The following SARDH variants were observed in gnomAD, a reference collection of about 807,000 sequenced individuals.
SARDH encodes the protein sarcosine dehydrogenase, mitochondrial.
SARDH carries 95 observed loss-of-function variants against 109.1 expected under a neutral mutation model. The observed-to-expected ratio is 0.87, with a 90% CI of 0.74 to 1.03. The LOEUF is 1.03. SARDH is among the 50% of genes least tolerant of loss of function. The pLI is 0.00. For missense variants in SARDH, 1,267 were observed against 1,287.8 expected, an observed-to-expected ratio of 0.98 and a Z score of 0.25; for synonymous variants, 572 against 534.8, an observed-to-expected ratio of 1.07 and a Z score of -0.96.
intron 17 of SARDH, among the ~76,000 whole-genome samples, chr9:133,674,175 G>C (rs1830441990): frequency 6.6e-6 from 1 of 152,234 alleles, no homozygotes; most frequent in African/African-American, 2.4e-5. Context: ...CTTCCAAGTG[G>C]GGACCCACAA....
chr9:133,702,186 C>T (rs1831512463), intron 13 of SARDH, among the ~76,000 whole-genome samples: 1 of 152,360 alleles, frequency 6.6e-6, no homozygotes, highest in Non-Finnish European at 1.5e-5. Flanking sequence ...CTTTACAACA[C>T]GACTGGGCAG....
In SARDH at chr9:133,666,604, C is replaced by A; in HGVS notation, c.2631+131G>T. ...TTCCCTCCTCCCTCCTTTCTCTTCC[C>A]TCCTCCTCTTCTGGACCACACCCGT... On this transcript the variant is annotated intron_variant, in intron 20 of 20. Coordinates refer to ENST00000439388, the MANE Select transcript of SARDH (RefSeq NM_001134707.2). The surrounding 1 kb of genome is among the most constrained non-coding windows in gnomAD (Gnocchi z 5.2). 8.0e-7 allele frequency: 1 copy of A among 1,244,984 alleles called. No individual in the cohort carries two copies. The highest frequency in any genetic ancestry group is 2.6e-5 in the East Asian group (1 of 38,672). The allele number at this position is 1,244,984 out of a possible 1,614,324, so 77.1% of individuals were successfully genotyped here. A position where few individuals can be genotyped will look rare whatever the true frequency, so the allele number is the denominator to read the frequency against.
intron 14 of SARDH, among the ~76,000 whole-genome samples, chr9:133,695,061 G>T (rs949301586): frequency 1.3e-5 from 2 of 152,196 alleles, no homozygotes; most frequent in Admixed American, 1.3e-4. Flanking sequence ...TCCTCACCAG[G>T]ACTGGGAGTG....
At chr9:133,729,514 T>G (rs1832600606) in intron 6 of SARDH, among the ~76,000 whole-genome samples, 1 of 152,150 alleles carries the variant, frequency 6.6e-6, no homozygotes, top group Non-Finnish European at 1.5e-5. Flanking sequence ...GTTCTGGGCA[T>G]CAAAGAGAGG....
At position 133,663,947 on chromosome 9, in the gene SARDH, T is replaced by G. The variant is rs1398820284; in HGVS notation, c.2699A>C (p.Gln900Pro). Residue 900 changes from glutamine to proline, a missense_variant, in exon 21 of 21, where the codon CAG becomes CCG. Coordinates refer to ENST00000439388, the MANE Select transcript of SARDH (RefSeq NM_001134707.2). ...GTCGAAGGGCGACTTCAGGTGAGCC[T>G]GGGCACCATAGGTCACCCCCATTCT... Reference protein sequence around the residue: ...LERMGVTYGAQAHLKSPFDPN... With the variant: ...LERMGVTYGAPAHLKSPFDPN... 1.2e-6 allele frequency: 2 copies of G among 1,614,172 alleles called. No homozygotes were observed. The highest frequency in any genetic ancestry group is 8.5e-7 in the Non-Finnish European group (1 of 1,180,010).
intron 2 of SARDH, among the ~76,000 whole-genome samples, chr9:133,733,602 G>A (rs1300133303): frequency 2.0e-5 from 3 of 152,162 alleles, no homozygotes; most frequent in Non-Finnish European, 4.4e-5. Flanking sequence ...TCTGGCCCCA[G>A]CTTCACTCTC....
At chr9:133,678,098 C>T (rs760398445) in intron 17 of SARDH, among the ~76,000 whole-genome samples, 3 of 152,236 alleles carry the variant, frequency 2.0e-5, no homozygotes, top group African/African-American at 7.2e-5. Flanking sequence ...GAGGACCCCC[C>T]ACCTTGCCTG....
intron 17 of SARDH, among the ~76,000 whole-genome samples, chr9:133,681,072 T>C (rs1462155924): frequency 3.9e-5 from 6 of 152,230 alleles, no homozygotes; most frequent in African/African-American, 1.4e-4. Context: ...CCTGGGCCAC[T>C]GGCTGTCGGC....
rs757779147 is a variant in SARDH at position 133,712,971 on chromosome 9, C to T, written c.1237+67G>A. On this transcript the variant is annotated intron_variant, in intron 9 of 20. Transcript: ENST00000439388. The surrounding 1 kb of genome is among the most constrained non-coding windows in gnomAD (Gnocchi z 4.1). ...GGCCACGGTGCTCCTGCGCCCGCCT[C>T]CCCCAGAGCTCTGGGAATGACAGGA... The T allele has an allele frequency of 8.8e-6, 13 of 1,476,780 alleles. No homozygotes were observed. The East Asian group carries it at 9.5e-5, about 11-fold the overall frequency. The allele number at this position is 1,476,780 out of a possible 1,614,324, so 91.5% of individuals were successfully genotyped here.
intron 15 of SARDH, among the ~76,000 whole-genome samples, chr9:133,691,419 G>T (rs1391725412): frequency 6.6e-6 from 1 of 152,198 alleles, no homozygotes; most frequent in African/African-American, 2.4e-5. Flanking sequence ...AGGTCAGTCA[G>T]CCCAGGTCCA....
chr9:133,694,931 T>C (rs1831229673), intron 14 of SARDH, among the ~76,000 whole-genome samples: 1 of 151,984 alleles, frequency 6.6e-6, no homozygotes, highest in Admixed American at 6.6e-5. Flanking sequence ...AGTGGGTGGC[T>C]GGATTAATGG....
intron 16 of SARDH, among the ~76,000 whole-genome samples, chr9:133,687,881 C>T (rs938773539): frequency 1.3e-5 from 2 of 152,194 alleles, no homozygotes; most frequent in African/African-American, 4.8e-5. Flanking sequence ...AGATAGAGGA[C>T]ATTTTGGAGG....
rs961552695 is a variant in SARDH at position 133,692,663 on chromosome 9, T to C, written c.1921+1595A>G. ...GGCCCTTCCTGCCCCCGTCTGGACA[T>C]ACAGCCCACTGTGGGGTCCCTGAAG... On this transcript the variant is annotated intron_variant, in intron 15 of 20. Coordinates refer to ENST00000439388, the MANE Select transcript of SARDH (RefSeq NM_001134707.2). The surrounding 1 kb of genome is among the most constrained non-coding windows in gnomAD (Gnocchi z 5.0). 2.6e-5 allele frequency among the ~76,000 whole-genome samples: 4 copies of C among 152,148 alleles called. No individual in the cohort carries two copies. The highest frequency in any genetic ancestry group is 9.7e-5 in the African/African-American group (4 of 41,426).
At position 133,718,976 on chromosome 9, in the gene SARDH, C is replaced by T. The variant is rs768245942; in HGVS notation, c.982G>A (p.Val328Met). 3.1e-6 allele frequency: 5 copies of T among 1,614,194 alleles called. No individual in the cohort carries two copies. The highest frequency in any genetic ancestry group is 4.2e-6 in the Non-Finnish European group (5 of 1,180,034). ...YLRLQGDALSVGGYEANPIFW... is the reference protein window; with the variant it reads ...YLRLQGDALSMGGYEANPIFW... ...ATGGGGTTGGCCTCATAGCCACCCA[C>T]AGACAAGGCATCCCCTTGGAGGCGG... The change falls in exon 7 of 21, where the codon GTG becomes ATG. Residue 328 changes from valine (V) to methionine (M), a missense_variant. Val to Met is a conservative substitution (Grantham distance 21). Transcript: ENST00000439388. This position sits in a 1 kb window ranked among gnomAD's most constrained non-coding sequence, Gnocchi z 4.2.
Position 133,666,586 on chromosome 9 carries a change from C to T in SARDH, c.2631+149G>A. ...CCTTCCTTCCTCCCCCTCTTCCCTCCTCCCTCCTTTCTCTTCCCTCCTCCT... is the reference window on the plus strand; with the variant it reads ...CCTTCCTTCCTCCCCCTCTTCCCTCTTCCCTCCTTTCTCTTCCCTCCTCCT... On this transcript the variant is annotated intron_variant, in intron 20 of 20. Transcript: ENST00000439388. The surrounding 1 kb of genome is among the most constrained non-coding windows in gnomAD (Gnocchi z 5.2). 3.8e-6 allele frequency: 4 copies of T among 1,055,576 alleles called. No homozygotes were observed. The highest frequency in any genetic ancestry group is 4.0e-6 in the Non-Finnish European group (3 of 744,986). 65.4% of individuals were successfully genotyped at this position (1,055,576 alleles called of 1,614,324 possible).
At position 133,666,197 on chromosome 9, in the gene SARDH, T is replaced by C. The variant is rs1360175952; in HGVS notation, c.2631+538A>G. Among the ~76,000 whole-genome samples the C allele has an allele frequency of 6.6e-6, 1 of 150,654 alleles. No individual in the cohort carries two copies. Among genetic ancestry groups the C allele is most frequent in the Non-Finnish European group, 1.5e-5 (1 of 67,696 alleles). The stretch of plus-strand genomic sequence containing the variant: ...TGCCTGGGGTCAGGGGTGTCGGGGG[T>C]GAGGAAAGAGAGGATAGGAACATGG... On this transcript the variant is annotated intron_variant, in intron 20 of 20. Coordinates refer to ENST00000439388, the MANE Select transcript of SARDH (RefSeq NM_001134707.2). The surrounding 1 kb of genome is among the most constrained non-coding windows in gnomAD (Gnocchi z 5.2).
intron 6 of SARDH, 34 bp from the exon 7 acceptor site, chr9:133,719,076 C>T: frequency 1.3e-6 from 2 of 1,582,674 alleles, no homozygotes; most frequent in Non-Finnish European, 1.7e-6. Context: ...TGGCATCATC[C>T]AGAACTGGGT....
In SARDH at chr9:133,718,382, T is replaced by TCCTGAAAGAGGCCC; in HGVS notation, c.1020+555_1020+556insGGGCCTCTTTCAGG. 1.2e-5 allele frequency: 4 copies of TCCTGAAAGAGGCCC among 341,790 alleles called. No individual in the cohort carries two copies. In the East Asian group the frequency reaches 1.7e-4, roughly 15 times the overall value. 21.2% of individuals were successfully genotyped at this position (341,790 alleles called of 1,614,324 possible). The stretch of plus-strand genomic sequence containing the variant: ...CCACCGTGCCCAGCCATTTGTTTGT[T>TCCTGAAAGAGGCCC]TATTGTATGTCTCTCCACCAAAATA... On this transcript the variant is annotated intron_variant, in intron 7 of 20. Coordinates refer to ENST00000439388, the MANE Select transcript of SARDH (RefSeq NM_001134707.2). The surrounding 1 kb of genome is among the most constrained non-coding windows in gnomAD (Gnocchi z 4.2).
At chr9:133,669,843 G>C (rs1830273645) in intron 19 of SARDH, among the ~76,000 whole-genome samples, 2 of 152,248 alleles carry the variant, frequency 1.3e-5, no homozygotes, top group Non-Finnish European at 2.9e-5. Context: ...GTGTTGCAGT[G>C]ACTGGGAGGT....
Sources: allele counts gnomAD v4.1 joint callset (sites outside exome capture counted in the v4.1 genomes callset), GRCh38; gene constraint gnomAD v4.1.1; non-coding constraint Gnocchi (gnomAD v3.1); transcripts MANE v1.5; gene names NCBI Gene and HGNC (gene_info 2026-07-23, HGNC 2026-07-21).